PPP1CB: variants seen among roughly 807,000 people sequenced by gnomAD.
PPP1CB encodes protein phosphatase 1 catalytic subunit beta.
In PPP1CB, 2 loss-of-function variants were observed where a neutral mutation model predicts 43.7. The observed-to-expected ratio is 0.05, with a 90% CI of 0.02 to 0.14. The LOEUF (loss-of-function observed/expected upper bound fraction) is 0.14, where lower values mean the gene tolerates loss of function less well. PPP1CB is among the 10% of genes least tolerant of loss of function. The pLI is 1.00. For synonymous variants in PPP1CB, 136 were observed against 135.6 expected (o/e 1.00, Z -0.02); for missense variants, 84 against 398.0 (o/e 0.21, Z 6.71).
intron 3 of PPP1CB, among the ~76,000 whole-genome samples, chr2:28,781,059 C>T (rs2148051579): frequency 6.6e-6 from 1 of 152,104 alleles, no homozygotes; most frequent in East Asian, 1.9e-4. Flanking sequence ...TTTAACTAGT[C>T]CACACACTGA....
At chr2:28,770,562 A>G (rs1223545481) in intron 1 of PPP1CB, among the ~76,000 whole-genome samples, 5 of 152,156 alleles carry the variant, frequency 3.3e-5, no homozygotes, top group Admixed American at 3.3e-4. Flanking sequence ...AAATTTTTAT[A>G]TATGTAATAG....
intron 1 of PPP1CB, among the ~76,000 whole-genome samples, chr2:28,774,453 T>G (rs946671541): frequency 4.6e-5 from 7 of 152,146 alleles, no homozygotes; most frequent in African/African-American, 1.4e-4. Flanking sequence ...GAGACAGAAT[T>G]TCGCTCTTGT....
Position 28,801,547 on chromosome 2 carries a change from C to T in PPP1CB, c.*2244C>T, listed in dbSNP as rs1572476090. The T allele has an allele frequency of 6.6e-6, 1 of 151,786 alleles. No individual in the cohort carries two copies. The highest frequency in any genetic ancestry group is 2.4e-5 in the African/African-American group (1 of 41,298). The allele number at this position is 151,786 out of a possible 1,614,324, so 9.4% of individuals were successfully genotyped here. A position where few individuals can be genotyped will look rare whatever the true frequency, so the allele number is the denominator to read the frequency against. ...ATCATGTTTAAAAATTATTCAAGCA[C>T]TCTTAAAACCACTTAAACAGCCTCC... On this transcript the variant is annotated 3_prime_UTR_variant, in exon 8 of 8. Transcript: ENST00000395366.
At chr2:28,785,295 C>T (rs1016805291) in intron 5 of PPP1CB, among the ~76,000 whole-genome samples, 3 of 151,384 alleles carry the variant, frequency 2.0e-5, no homozygotes, top group South Asian at 2.1e-4. Flanking sequence ...AGGATGGTCT[C>T]GATCTCTTGA....
intron 7 of PPP1CB, among the ~76,000 whole-genome samples, chr2:28,797,423 TTA>T (rs953390217): frequency 5.9e-5 from 9 of 152,266 alleles, no homozygotes; most frequent in Middle Eastern, 3.4e-3. Context: ...ATAGGTTTTT[TTA>T]TTACTGATTC....
intron 5 of PPP1CB, among the ~76,000 whole-genome samples, chr2:28,786,206 C>T (rs1667262920): frequency 6.6e-6 from 1 of 152,086 alleles, no homozygotes; most frequent in Non-Finnish European, 1.5e-5. Context: ...CTCCACCTCC[C>T]AGGTTCAAGC....
At chr2:28,779,990 G>T (rs1218723831) in intron 3 of PPP1CB, among the ~76,000 whole-genome samples, 1 of 152,068 alleles carries the variant, frequency 6.6e-6, no homozygotes, top group African/African-American at 2.4e-5. Context: ...GCCTAGCTGG[G>T]ACTGTATGTC....
At chr2:28,780,677 A>G (rs1422432186) in intron 3 of PPP1CB, among the ~76,000 whole-genome samples, 1 of 152,194 alleles carries the variant, frequency 6.6e-6, no homozygotes, top group African/African-American at 2.4e-5. Flanking sequence ...GTACTTACTC[A>G]TTAAGGGGCA....
In PPP1CB at chr2:28,784,656, G is replaced by A. The variant is rs372892689; in HGVS notation, c.592+678G>A. Among the ~76,000 whole-genome samples, 4 of 152,134 alleles carry A rather than the reference G, an allele frequency of 2.6e-5. No homozygotes were observed. The East Asian group carries it at 5.8e-4, about 22-fold the overall frequency. On this transcript the variant is annotated intron_variant, in intron 5 of 7. Coordinates refer to ENST00000395366, the MANE Select transcript of PPP1CB (RefSeq NM_002709.3). The stretch of plus-strand genomic sequence containing the variant: ...GAAGGCTGGGAGCAGTGGCACTCAC[G>A]CCTGTAGTCCCAGCGCTTTGGGAGG...
At chr2:28,786,050 G>A (rs767136288) in intron 5 of PPP1CB, among the ~76,000 whole-genome samples, 15 of 152,108 alleles carry the variant, frequency 9.9e-5, no homozygotes, top group Non-Finnish European at 2.1e-4. Context: ...TAATTTATAA[G>A]TTAATACATT....
At chr2:28,795,340 G>A (rs1341402741) in intron 7 of PPP1CB, among the ~76,000 whole-genome samples, 1 of 152,114 alleles carries the variant, frequency 6.6e-6, no homozygotes, top group African/African-American at 2.4e-5. Flanking sequence ...CATACCCAAA[G>A]TAGTGGGATT....
intron 1 of PPP1CB, among the ~76,000 whole-genome samples, chr2:28,767,317 G>A (rs778992063): frequency 2.0e-5 from 3 of 152,006 alleles, no homozygotes; most frequent in Non-Finnish European, 4.4e-5. Context: ...AATTGGGAAT[G>A]CTGTGGTGAG....
intron 5 of PPP1CB, among the ~76,000 whole-genome samples, chr2:28,784,917 C>CAAAAAAAAAAA (rs869155670): frequency 6.3e-5 from 5 of 79,094 alleles, no homozygotes; most frequent in African/African-American, 2.1e-4. Flanking sequence ...GAAACTGTCT[C>CAAAAAAAAAAA]AAAAAAAAAA....
rs374917665 is a variant in PPP1CB, at chr2:28,765,260, CTG to C, written c.53-11590_53-11589del. Among the ~76,000 whole-genome samples the C allele has an allele frequency of 1.1e-3, 169 of 152,330 alleles. 3 individuals are homozygous for C. The South Asian group carries it at 0.034, about 31-fold the overall frequency. ...AAGTTAATGTTCTCTGTCATCAAAA[CTG>C]ATTGCAAGTGGTCATCTCTTGATGC... On this transcript the variant is annotated intron_variant, in intron 1 of 7. Coordinates refer to ENST00000395366, the MANE Select transcript of PPP1CB (RefSeq NM_002709.3).
At chr2:28,758,826 T>C (rs116648592) in intron 1 of PPP1CB, among the ~76,000 whole-genome samples, 125 of 152,346 alleles carry the variant, frequency 8.2e-4, no homozygotes, top group African/African-American at 2.9e-3. Flanking sequence ...AGTGGAGATA[T>C]TGATGATATG....
chr2:28,776,418 C>T (rs966058851), intron 1 of PPP1CB, among the ~76,000 whole-genome samples: 11 of 152,108 alleles, frequency 7.2e-5, no homozygotes, highest in South Asian at 6.2e-4. Context: ...TGCGCCACCA[C>T]ACCTGGCTAA....
At chr2:28,763,101 T>C (rs908337571) in intron 1 of PPP1CB, among the ~76,000 whole-genome samples, 3 of 152,222 alleles carry the variant, frequency 2.0e-5, no homozygotes, top group Non-Finnish European at 4.4e-5. Flanking sequence ...AAAAAAAGTG[T>C]CTAGGTCTGC....
upstream of PPP1CB, chr2:28,751,817 G>T: frequency 2.1e-6 from 1 of 465,570 alleles, no homozygotes; most frequent in Non-Finnish European, 3.9e-6. Context: ...CGTCGGCGGC[G>T]CTGGTGAGCT....
At position 28,799,352 on chromosome 2, in the gene PPP1CB, C is replaced by T; in HGVS notation, c.*49C>T. 1.4e-6 allele frequency: 2 copies of T among 1,423,532 alleles called. No individual in the cohort carries two copies. Among genetic ancestry groups the T allele is most frequent in the Non-Finnish European group, 2.0e-6 (2 of 1,009,678 alleles). The allele number at this position is 1,423,532 out of a possible 1,614,324, so 88.2% of individuals were successfully genotyped here. A position where few individuals can be genotyped will look rare whatever the true frequency, so the allele number is the denominator to read the frequency against. ...CATCAGATTTGTTAAGGACATACTT[C>T]ATAATATATAAGTGTGCACTGTAAA... On this transcript the variant is annotated 3_prime_UTR_variant, in exon 8 of 8. Coordinates refer to ENST00000395366, the MANE Select transcript of PPP1CB (RefSeq NM_002709.3).
Sources: gnomAD v4.1 joint callset for allele counts (sites outside exome capture counted in the v4.1 genomes callset) on GRCh38, gnomAD v4.1.1 for gene constraint, MANE v1.5 for transcripts, NCBI Gene and HGNC (gene_info 2026-07-23, HGNC 2026-07-21) for gene names.